Variants in AMPH observed in about 807,000 individuals in gnomAD.
AMPH encodes amphiphysin, also known as amphiphysin (Stiff-Mann syndrome with breast cancer 128kD autoantigen).
A neutral mutation model predicts 99.1 loss-of-function variants in AMPH; 49 were observed. That is an observed-to-expected ratio of 0.49 (90% confidence interval 0.39 to 0.63). The LOEUF is 0.63. Among genes scored for constraint, AMPH ranks in the 20% least tolerant of loss-of-function variants. AMPH has a pLI of 0.00. For missense variants in AMPH, 759 were observed against 863.4 expected (o/e 0.88, Z 1.52); for synonymous variants, 314 against 317.3 (o/e 0.99, Z 0.11).
Position 38,544,794 on chromosome 7 carries a change from A to G in AMPH, c.70-9783T>C, listed in dbSNP as rs373523804. ...AAGCAAAAGCTCCTAGCTTGATCTG[A>G]AAAGTGTTTAATGAGGGTTTATTCT... is the stretch of plus-strand genomic sequence containing the variant. On this transcript the variant is annotated intron_variant, in intron 1 of 20. Transcript: ENST00000356264. Among the ~76,000 whole-genome samples, 3 of 152,300 alleles carry G rather than the reference A, an allele frequency of 2.0e-5. No homozygotes were observed. In the South Asian group the frequency reaches 6.2e-4, roughly 32 times the overall value.
Position 38,389,226 on chromosome 7 carries a change from T to C in AMPH, c.1980+578A>G, listed in dbSNP as rs144491221. Among the ~76,000 whole-genome samples the C allele has an allele frequency of 3.0e-3, 460 of 152,334 alleles. 4 individuals are homozygous for C. Among genetic ancestry groups the C allele is most frequent in the African/African-American group, 0.011 (438 of 41,564 alleles). ...CCATTTCAAGGGCTCACATATTTTA[T>C]GAATGAGAACAAGATGGGAGTTCTC... On this transcript the variant is annotated intron_variant, in intron 20 of 20. Coordinates refer to ENST00000356264, the MANE Select transcript of AMPH (RefSeq NM_001635.4).
At position 38,432,197 on chromosome 7, in the gene AMPH, G is replaced by A; in HGVS notation, c.1150C>T (p.Leu384=). The A allele has an allele frequency of 1.2e-6, 2 of 1,612,876 alleles. No homozygotes were observed. Among genetic ancestry groups the A allele is most frequent in the Non-Finnish European group, 1.7e-6 (2 of 1,178,842 alleles). The change falls in exon 13 of 21, where the codon CTA becomes TTA. Residue 384 remains leucine (L), a synonymous_variant. Transcript: ENST00000356264. ...SPMSQTLPWD[L]WTTSTDLVQP... ...AGTTATTAGTGGCTTACCGTCCATA[G>A]GTCCCAGGGCAATGTCTGAAAGCAA...
At chr7:38,569,415 ATT>A (rs991851891) in intron 1 of AMPH, among the ~76,000 whole-genome samples, 90 of 152,222 alleles carry the variant, frequency 5.9e-4, no homozygotes, top group African/African-American at 2.0e-3. Flanking sequence ...CAAATATCGT[ATT>A]TGTGTGATTA....
intron 1 of AMPH, among the ~76,000 whole-genome samples, chr7:38,606,073 C>G (rs757243145): frequency 6.6e-6 from 1 of 152,128 alleles, no homozygotes; most frequent in Non-Finnish European, 1.5e-5. Flanking sequence ...CAAGCCTGCA[C>G]AGTAAGTAAA....
At chr7:38,490,722 A>G (rs1326856125) in intron 5 of AMPH, among the ~76,000 whole-genome samples, 3 of 152,160 alleles carry the variant, frequency 2.0e-5, no homozygotes, top group Non-Finnish European at 4.4e-5. Flanking sequence ...AATCCCTGTC[A>G]AATGCTATAT....
At chr7:38,425,643 C>T (rs74997447) in intron 15 of AMPH, among the ~76,000 whole-genome samples, 8,823 of 152,096 alleles carry the variant, frequency 0.058, 342 homozygotes, top group East Asian at 0.2. Flanking sequence ...GAAGAGGGGG[C>T]GAATTGGGTG....
chr7:38,596,898 T>C (rs1177636374), intron 1 of AMPH, among the ~76,000 whole-genome samples: 1 of 152,206 alleles, frequency 6.6e-6, no homozygotes, highest in African/African-American at 2.4e-5. Context: ...AGTGTCCAAA[T>C]GACCTCTCAA....
intron 4 of AMPH, 30 bp downstream of exon 4, chr7:38,494,403 G>C: frequency 6.3e-7 from 1 of 1,591,126 alleles, no homozygotes; most frequent in Non-Finnish European, 8.6e-7. Flanking sequence ...AGGGTCGTGG[G>C]AGCCTCATGG....
At chr7:38,448,808 C>A (rs1786891616) in intron 11 of AMPH, among the ~76,000 whole-genome samples, 1 of 152,156 alleles carries the variant, frequency 6.6e-6, no homozygotes, top group South Asian at 2.1e-4. Flanking sequence ...TTTACATAAT[C>A]CTGAAATGCT....
chr7:38,507,875 C>T (rs1249513153), intron 2 of AMPH, among the ~76,000 whole-genome samples: 1 of 152,156 alleles, frequency 6.6e-6, no homozygotes, highest in African/African-American at 2.4e-5. Context: ...CCTAGTAATA[C>T]TCCTTCTTAG....
intron 16 of AMPH, among the ~76,000 whole-genome samples, chr7:38,422,128 G>A (rs544115896): frequency 3.9e-5 from 6 of 152,284 alleles, no homozygotes; most frequent in Admixed American, 3.3e-4. Flanking sequence ...TGGAACTTAA[G>A]TTATATTCAC....
At chr7:38,494,763 G>T (rs868750648) in intron 3 of AMPH, among the ~76,000 whole-genome samples, 1 of 152,102 alleles carries the variant, frequency 6.6e-6, no homozygotes, top group African/African-American at 2.4e-5. Context: ...ATGGGGTCTC[G>T]GGAAAGATCA....
intron 1 of AMPH, among the ~76,000 whole-genome samples, chr7:38,571,386 A>T (rs1401030813): frequency 2.6e-5 from 2 of 76,840 alleles, no homozygotes; most frequent in East Asian, 7.0e-4. Flanking sequence ...TTATATATTT[A>T]TATATATTCT....
chr7:38,430,476 G>A (rs1210543093), intron 13 of AMPH, among the ~76,000 whole-genome samples: 2 of 152,160 alleles, frequency 1.3e-5, no homozygotes, highest in Non-Finnish European at 2.9e-5. Context: ...CTGTTGTTTT[G>A]CATTTTGATA....
chr7:38,626,745 AG>A (rs2129072830), intron 1 of AMPH, among the ~76,000 whole-genome samples: 1 of 152,326 alleles, frequency 6.6e-6, no homozygotes, highest in East Asian at 1.9e-4. Flanking sequence ...AACTATCATC[AG>A]AGTGGGAGAA....
chr7:38,544,955 C>T (rs1235405453), intron 1 of AMPH, among the ~76,000 whole-genome samples: 1 of 152,164 alleles, frequency 6.6e-6, no homozygotes, highest in Non-Finnish European at 1.5e-5. Context: ...CTCACATCTT[C>T]GACTTTCTAT....
intron 5 of AMPH, among the ~76,000 whole-genome samples, chr7:38,488,758 T>C (rs1006494621): frequency 9.9e-5 from 15 of 151,992 alleles, no homozygotes; most frequent in African/African-American, 3.1e-4. Flanking sequence ...GCATCCAAGA[T>C]ACTAAAATAC....
chr7:38,589,404 G>A (rs1331589358), intron 1 of AMPH, among the ~76,000 whole-genome samples: 1 of 151,978 alleles, frequency 6.6e-6, no homozygotes, highest in Non-Finnish European at 1.5e-5. Flanking sequence ...CTCATCTCAG[G>A]GTTGATGTGA....
intron 1 of AMPH, among the ~76,000 whole-genome samples, chr7:38,625,854 T>C (rs62442574): frequency 0.064 from 9,692 of 152,160 alleles, 356 homozygotes; most frequent in Non-Finnish European, 0.075. Flanking sequence ...TATGCAGATA[T>C]CCATATACAT....
Sources: gnomAD v4.1 joint callset for allele counts (sites outside exome capture counted in the v4.1 genomes callset) on GRCh38, gnomAD v4.1.1 for gene constraint, MANE v1.5 for transcripts, NCBI Gene and HGNC (gene_info 2026-07-23, HGNC 2026-07-21) for gene names.